Variants in CYRIB observed in about 807,000 individuals in gnomAD.
CYRIB encodes CYFIP-related Rac1 interactor B.
A neutral mutation model predicts 44.2 loss-of-function variants in CYRIB; 8 were observed. The ratio of observed to expected loss-of-function variants is 0.18; its 90% CI spans 0.11 to 0.33. CYRIB has a LOEUF of 0.33. Among genes scored for constraint, CYRIB ranks in the 10% least tolerant of loss-of-function variants. The pLI is 1.00. For missense variants in CYRIB, 185 were observed against 382.8 expected (o/e 0.48, Z 4.31); for synonymous variants, 131 against 127.2 (o/e 1.03, Z -0.20).
upstream of CYRIB, among the ~76,000 whole-genome samples, chr8:129,942,664 T>G (rs528815480): frequency 1.3e-5 from 2 of 152,362 alleles, no homozygotes; most frequent in South Asian, 4.1e-4. Flanking sequence ...AAAAAGGGCT[T>G]ACATAAGAGC....
intron 4 of CYRIB, among the ~76,000 whole-genome samples, chr8:129,867,391 C>T (rs1293220576): frequency 1.6e-3 from 3 of 1,914 alleles, no homozygotes. Flanking sequence ...TCCCAAAGTG[C>T]TAGGATTACA....
At chr8:130,005,609 ACCT>A (rs1055709036) in intron 1 of CYRIB, among the ~76,000 whole-genome samples, 80 of 151,900 alleles carry the variant, frequency 5.3e-4, no homozygotes, top group African/African-American at 1.9e-3. Flanking sequence ...TGAGATACTG[ACCT>A]CCTCAGCATC....
chr8:129,923,420 GCTCGCCACCA>G (rs2085117424), intron 1 of CYRIB, among the ~76,000 whole-genome samples: 1 of 151,510 alleles, frequency 6.6e-6, no homozygotes, highest in African/African-American at 2.4e-5. Context: ...GATTACAGGC[GCTCGCCACCA>G]CACCCAGCTA....
chr8:130,015,915 C>T (rs2097331611), intron 1 of CYRIB, among the ~76,000 whole-genome samples: 1 of 152,158 alleles, frequency 6.6e-6, no homozygotes, highest in Non-Finnish European at 1.5e-5. Context: ...ACTGGTCTTC[C>T]AAGCCCCTGA....
At chr8:129,906,447 T>C (rs1347317858) in intron 1 of CYRIB, among the ~76,000 whole-genome samples, 3 of 152,080 alleles carry the variant, frequency 2.0e-5, no homozygotes, top group Non-Finnish European at 4.4e-5. Flanking sequence ...ATACAAAAAT[T>C]AATTCAAGAT....
intron 1 of CYRIB, among the ~76,000 whole-genome samples, chr8:129,933,143 T>C (rs1215544580): frequency 1.3e-5 from 2 of 152,126 alleles, no homozygotes; most frequent in Admixed American, 1.3e-4. Flanking sequence ...CTACAGAGCT[T>C]CAAGTAGACC....
chr8:129,881,309 C>G (rs2060725603), intron 2 of CYRIB, among the ~76,000 whole-genome samples: 1 of 152,340 alleles, frequency 6.6e-6, no homozygotes, highest in South Asian at 2.1e-4. Flanking sequence ...ACATCCTCCT[C>G]CCTCCAACTG....
intron 7 of CYRIB, among the ~76,000 whole-genome samples, chr8:129,852,681 A>C (rs913357036): frequency 3.9e-5 from 6 of 152,232 alleles, no homozygotes; most frequent in Non-Finnish European, 7.3e-5. Context: ...GAAGAAACTA[A>C]GGAGAAGAGT....
At chr8:129,962,868 C>A (rs947088833) in intron 2 of CYRIB, among the ~76,000 whole-genome samples, 1 of 152,178 alleles carries the variant, frequency 6.6e-6, no homozygotes, top group Non-Finnish European at 1.5e-5. Flanking sequence ...CAAACGGTAC[C>A]CGCATTTCCC....
rs143506308 is a variant in CYRIB at position 129,957,237 on chromosome 8, G to T, written c.-243+13706C>A. Among the ~76,000 whole-genome samples, 1,373 of 152,188 alleles carry T rather than the reference G, an allele frequency of 9.0e-3. 12 individuals are homozygous for T. Among genetic ancestry groups the T allele is most frequent in the Middle Eastern group, 0.044 (13 of 294 alleles). ...ACTTCATACCTTTCCCCAAGTCCAG[G>T]TAAAGTTTGCCTGGCCCAGAGTAAA... On this transcript the variant is annotated intron_variant, in intron 2 of 14. Transcript: ENST00000401979.
chr8:129,910,923 G>A (rs1167617698), intron 1 of CYRIB, among the ~76,000 whole-genome samples: 3 of 152,158 alleles, frequency 2.0e-5, no homozygotes, highest in East Asian at 3.8e-4. Context: ...CTCCAAAAGC[G>A]CTGGAATTAT....
chr8:130,009,433 A>T (rs1241424799), intron 1 of CYRIB, among the ~76,000 whole-genome samples: 1 of 151,962 alleles, frequency 6.6e-6, no homozygotes, highest in East Asian at 1.9e-4. Flanking sequence ...ACGCCCAGCT[A>T]ATTTTTGTAT....
upstream of CYRIB, among the ~76,000 whole-genome samples, chr8:129,942,846 C>T (rs914684323): frequency 2.6e-5 from 4 of 152,130 alleles, no homozygotes; most frequent in East Asian, 1.9e-4. Context: ...ATGAGGCAAC[C>T]GAAACTCCGT....
chr8:129,967,371 GTTTTTTTGT>G (rs1564481676), intron 2 of CYRIB, among the ~76,000 whole-genome samples: 1 of 141,434 alleles, frequency 7.1e-6, no homozygotes, highest in Admixed American at 6.8e-5. Flanking sequence ...GTTTTGTTTT[GTTTTTTTGT>G]TTTTTTGTTT....
chr8:129,924,442 G>C (rs1442698103), intron 1 of CYRIB, among the ~76,000 whole-genome samples: 1 of 151,838 alleles, frequency 6.6e-6, no homozygotes, highest in South Asian at 2.1e-4. Flanking sequence ...GCCTCCATGA[G>C]CACATTCTTC....
At chr8:129,937,159 ATTGAG>A (rs1263924605) in intron 1 of CYRIB, among the ~76,000 whole-genome samples, 3 of 152,260 alleles carry the variant, frequency 2.0e-5, no homozygotes, top group African/African-American at 7.2e-5. Flanking sequence ...AAATATAATT[ATTGAG>A]TATCCACTAT....
chr8:129,936,121 T>A (rs557986876), intron 1 of CYRIB, among the ~76,000 whole-genome samples: 4 of 152,354 alleles, frequency 2.6e-5, no homozygotes, highest in African/African-American at 9.6e-5. Flanking sequence ...TGAGATTTGC[T>A]GTTTTAAGTA....
upstream of CYRIB, among the ~76,000 whole-genome samples, chr8:129,940,339 T>C (rs1403674211): frequency 2.6e-5 from 4 of 152,224 alleles, no homozygotes; most frequent in Non-Finnish European, 5.9e-5. Flanking sequence ...GCGCGGCACG[T>C]GTTCCTGGCA....
chr8:129,952,054 ATT>A (rs57278636), intron 2 of CYRIB, among the ~76,000 whole-genome samples: 91,201 of 151,818 alleles, frequency 0.6, 27,745 homozygotes, highest in East Asian at 0.72. Flanking sequence ...GTTTTTGTTT[ATT>A]TTTTTTGAGA....
Sources: gnomAD v4.1 joint callset for allele counts (sites outside exome capture counted in the v4.1 genomes callset) on GRCh38, gnomAD v4.1.1 for gene constraint, MANE v1.5 for transcripts, NCBI Gene and HGNC (gene_info 2026-07-23, HGNC 2026-07-21) for gene names.